EPHA1: variants seen among roughly 807,000 people sequenced by gnomAD.
EPHA1 encodes EPH receptor A1.
In EPHA1, 92 loss-of-function variants were observed where a neutral mutation model predicts 110.1. That is an observed-to-expected ratio of 0.84 (90% confidence interval 0.71 to 0.99). The LOEUF is 0.99. Ranked by LOEUF, EPHA1 falls within the 50% of genes least tolerant of loss-of-function variation. The probability of loss-of-function intolerance (pLI) is 0.00; values close to 1 mark genes in which losing one functional copy is unlikely to be tolerated. For synonymous variants in EPHA1, 500 were observed against 516.1 expected (o/e 0.97, Z 0.42); for missense variants, 1,204 against 1,285.4 (o/e 0.94, Z 0.97).
In EPHA1 at chr7:143,398,652, C is replaced by G. The variant is rs762019218; in HGVS notation, c.1285G>C (p.Gly429Arg). 16 of 1,614,102 alleles carry G rather than the reference C, an allele frequency of 9.9e-6. No homozygotes were observed. Among genetic ancestry groups the G allele is most frequent in the Non-Finnish European group, 1.3e-5 (15 of 1,179,978 alleles). ...GAGGTGCTGGCATGGCCAGAGCTGC[C>G]CAGCCCTGACACTCCATTTTGGGCT... is the stretch of plus-strand genomic sequence containing the variant. ...VEAQNGVSGL[G>R]SSGHASTSVS... is the part of the protein sequence containing the mutation. Residue 429 changes from glycine to arginine, a missense_variant, in exon 6 of 18, where the codon GGC (glycine) becomes CGC (arginine). Physicochemically the swap from Gly to Arg is moderately radical, Grantham distance 125 (BLOSUM62 -2). Transcript: ENST00000275815.
chr7:143,396,615 G>A, intron 10 of EPHA1, 105 bp from the exon 11 acceptor site: 1 of 1,392,614 alleles, frequency 7.2e-7, no homozygotes, highest in Non-Finnish European at 9.8e-7. Flanking sequence ...ACACCTCCCT[G>A]TTTCCCAAGG....
In EPHA1 at chr7:143,396,391, C is replaced by T; in HGVS notation, c.1891G>A (p.Gly631Arg). Residue 631 changes from glycine to arginine, a missense_variant, in exon 11 of 18, where the codon GGA becomes AGA. Transcript: ENST00000275815. ...GGTGCACAGCAGGACTCACCTTCTC[C>T]TATGACAGTGTCCACCATCAGCCAC... ...PAWLMVDTVI[G>R]EGEFGEVYRG... 6.2e-7 allele frequency: 1 copy of T among 1,612,202 alleles called. No homozygotes were observed. Among genetic ancestry groups the T allele is most frequent in the Non-Finnish European group, 8.5e-7 (1 of 1,179,546 alleles).
In EPHA1 at chr7:143,394,823, G is replaced by A. The variant is rs1400919381; in HGVS notation, c.2337C>T (p.Gly779=). ...GLTRLLDDFD[G]TYETQGGKIP... is the part of the protein sequence containing the mutation. ...GGCCTCTAACCTGGGTTTCGTATGT[G>A]CCATCAAAGTCATCCAGGAGGCGAG... Residue 779 remains glycine (G), a synonymous_variant, in exon 14 of 18, where the codon GGC becomes GGT. Coordinates refer to ENST00000275815, the MANE Select transcript of EPHA1 (RefSeq NM_005232.5). 1.9e-6 allele frequency: 3 copies of A among 1,613,996 alleles called. No homozygotes were observed. The highest frequency in any genetic ancestry group is 2.5e-6 in the Non-Finnish European group (3 of 1,180,038).
Position 143,394,963 on chromosome 7 carries a change from T to A in EPHA1, c.2197A>T (p.Ile733Leu). ...CTGAGGTAGTTCATGCCAGATGCTA[T>A]GCCCTGCAGCATGGCCACTAGCTGC... The part of the protein sequence containing the change: ...PGQLVAMLQG[I>L]ASGMNYLSNH... Residue 733 changes from isoleucine (I) to leucine (L), a missense_variant, in exon 14 of 18, where the codon ATA becomes TTA. Transcript: ENST00000275815. 1 of 1,614,140 alleles carries A rather than the reference T, an allele frequency of 6.2e-7. No homozygotes were observed. Among genetic ancestry groups the A allele is most frequent in the Non-Finnish European group, 8.5e-7 (1 of 1,180,030 alleles).
rs574693553 is a variant in EPHA1, at chr7:143,395,822, G to A, written c.1898-318C>T. 2.0e-5 allele frequency among the ~76,000 whole-genome samples: 3 copies of A among 152,358 alleles called. No homozygotes were observed. Among genetic ancestry groups the A allele is most frequent in the East Asian group, 1.9e-4 (1 of 5,182 alleles). ...GTGCTCATGAAGAGCAAGCTAGTGC[G>A]GCACTAGTACCCAAGTGGCAGGGAC... On this transcript the variant is annotated intron_variant, in intron 11 of 17. Coordinates refer to ENST00000275815, the MANE Select transcript of EPHA1 (RefSeq NM_005232.5). This position sits in a 1 kb window ranked among gnomAD's most constrained non-coding sequence, Gnocchi z 4.7.
chr7:143,407,295 A>G (rs767973335), intron 2 of EPHA1, among the ~76,000 whole-genome samples: 5 of 152,046 alleles, frequency 3.3e-5, no homozygotes, highest in African/African-American at 4.8e-5. Context: ...TCAGCCTTCA[A>G]CCATCCCCAG....
chr7:143,408,088 G>A (rs1297734051), intron 1 of EPHA1, among the ~76,000 whole-genome samples: 2 of 152,186 alleles, frequency 1.3e-5, no homozygotes, highest in East Asian at 3.9e-4. Context: ...ACCTCAGAAG[G>A]GGTTTCCTGG....
rs1003754616 is a variant in EPHA1, at chr7:143,398,380, C to T, written c.1405G>A (p.Gly469Arg). Reference sequence around the variant, plus strand: ...GCCCCAGGGCTTCGGGGCCGGGACCCCGCCCAGGTCAGCTCTAGTTGCCTC... The same window carrying T: ...GCCCCAGGGCTTCGGGGCCGGGACCTCGCCCAGGTCAGCTCTAGTTGCCTC... ...EPRQLELTWA[G>R]SRPRSPGANL... is the part of the protein sequence containing the mutation. Residue 469 changes from glycine (G) to arginine (R), a missense_variant, in exon 7 of 18, where the codon GGG (glycine) becomes AGG (arginine). Transcript: ENST00000275815. 1 of 1,614,122 alleles carries T rather than the reference C, an allele frequency of 6.2e-7. No individual in the cohort carries two copies. The highest frequency in any genetic ancestry group is 1.7e-5 in the Admixed American group (1 of 60,020).
chr7:143,391,266 T>C lies in EPHA1; in HGVS notation c.*191A>G. On this transcript the variant is annotated 3_prime_UTR_variant, in exon 18 of 18. Transcript: ENST00000275815. ...CCTCCCATGATCATCCTTTTACTTCTACCCCCACCTCCCTTTTAAAACAAA... is the reference window on the plus strand; with the variant it reads ...CCTCCCATGATCATCCTTTTACTTCCACCCCCACCTCCCTTTTAAAACAAA... 1 of 637,356 alleles carries C rather than the reference T, an allele frequency of 1.6e-6. No homozygotes were observed. The highest frequency in any genetic ancestry group is 2.7e-6 in the Non-Finnish European group (1 of 366,592). 39.5% of individuals were successfully genotyped at this position (637,356 alleles called of 1,614,324 possible).
At chr7:143,405,312 G>A (rs1805518463) in intron 2 of EPHA1, among the ~76,000 whole-genome samples, 1 of 152,236 alleles carries the variant, frequency 6.6e-6, no homozygotes, top group Admixed American at 6.5e-5. Flanking sequence ...AGTTCCAGCA[G>A]TGACAGATGG....
In EPHA1 at chr7:143,405,041, T is replaced by C. The variant is rs2116637751; in HGVS notation, c.150+2570A>G. ...GGTGGGGCAGAAATAGAAGCTGCTA[T>C]GAGGCACATATTTCTGCATTATGTT... On this transcript the variant is annotated intron_variant, in intron 2 of 17. Coordinates refer to ENST00000275815, the MANE Select transcript of EPHA1 (RefSeq NM_005232.5). 1.3e-5 allele frequency among the ~76,000 whole-genome samples: 2 copies of C among 151,690 alleles called. 1 individual carries two copies. The highest frequency in any genetic ancestry group is 4.2e-4 in the South Asian group (2 of 4,802).
At chr7:143,396,331 C>A in intron 11 of EPHA1, 54 bp downstream of exon 11, 2 of 1,586,652 alleles carry the variant, frequency 1.3e-6, no homozygotes, top group South Asian at 1.1e-5. Flanking sequence ...CTGCTGGTGG[C>A]TCTGTGCTGC....
chr7:143,401,850 A>T lies in EPHA1; in HGVS notation c.151-245T>A, dbSNP rs1805429655. 6.6e-6 allele frequency among the ~76,000 whole-genome samples: 1 copy of T among 152,210 alleles called. No homozygotes were observed. The highest frequency in any genetic ancestry group is 1.5e-5 in the Non-Finnish European group (1 of 68,036). ...CTAGTTGATCCTGGTCCCTTCAGTTAGTCTAGTCCACTTATTTCATCAGCA... is the reference window on the plus strand; with the variant it reads ...CTAGTTGATCCTGGTCCCTTCAGTTTGTCTAGTCCACTTATTTCATCAGCA... On this transcript the variant is annotated intron_variant, in intron 2 of 17. Coordinates refer to ENST00000275815, the MANE Select transcript of EPHA1 (RefSeq NM_005232.5). This position sits in a 1 kb window ranked among gnomAD's most constrained non-coding sequence, Gnocchi z 4.1.
In EPHA1 at chr7:143,399,697, G is replaced by C. The variant is rs1270306538; in HGVS notation, c.789C>G (p.His263Gln). ...CACCTTCCTCATAGCCAGGCTCACAGTGGCACCGTCCTACAGGCACCAGCC... is the reference window on the plus strand; with the variant it reads ...CACCTTCCTCATAGCCAGGCTCACACTGGCACCGTCCTACAGGCACCAGCC... ...GEWLVPVGRC[H>Q]CEPGYEEGGS... is the part of the protein sequence containing the mutation. Residue 263 changes from histidine (H) to glutamine (Q), a missense_variant, in exon 4 of 18, where the codon CAC becomes CAG. His to Gln is a conservative substitution (Grantham distance 24). Coordinates refer to ENST00000275815, the MANE Select transcript of EPHA1 (RefSeq NM_005232.5). 1 of 1,613,784 alleles carries C rather than the reference G, an allele frequency of 6.2e-7. No individual in the cohort carries two copies. The highest frequency in any genetic ancestry group is 1.1e-5 in the South Asian group (1 of 91,066).
At chr7:143,394,749 T>C in intron 14 of EPHA1, 59 bp downstream of exon 14, 1 of 1,592,640 alleles carries the variant, frequency 6.3e-7, no homozygotes, top group Non-Finnish European at 8.6e-7. Context: ...CATGTGACTG[T>C]ATGAATGGCA....
At chr7:143,392,989 C>G (rs1017143517) in intron 16 of EPHA1, among the ~76,000 whole-genome samples, 1 of 152,124 alleles carries the variant, frequency 6.6e-6, no homozygotes, top group Non-Finnish European at 1.5e-5. Context: ...AAAATCCAAA[C>G]TTCTCAACAG....
chr7:143,405,346 A>G (rs1221094401), intron 2 of EPHA1, among the ~76,000 whole-genome samples: 3 of 152,198 alleles, frequency 2.0e-5, no homozygotes, highest in Admixed American at 6.5e-5. Context: ...GTCCAGGATC[A>G]GCAGTAAGGA....
chr7:143,399,062 T>A, intron 5 of EPHA1, 117 bp from the exon 6 acceptor site: 1 of 1,242,076 alleles, frequency 8.1e-7, no homozygotes, highest in Non-Finnish European at 1.1e-6. Context: ...TTGGGGAGAT[T>A]TGATTTCTAC....
Position 143,394,304 on chromosome 7 carries a change from T to C in EPHA1, c.2392A>G (p.Ile798Val), listed in dbSNP as rs767987164. Residue 798 changes from isoleucine to valine, a missense_variant, in exon 15 of 18, where the codon ATT becomes GTT. Physicochemically the swap from Ile to Val is conservative, Grantham distance 29. Coordinates refer to ENST00000275815, the MANE Select transcript of EPHA1 (RefSeq NM_005232.5). The part of the protein sequence containing the change: ...IPIRWTAPEA[I>V]AHRIFTTASD... ...GCTGTGGTGAAGATCCGATGGGCAA[T>C]GGCTTCAGGGGCTGTCCAACGGATA... is the stretch of plus-strand genomic sequence containing the variant. The C allele has an allele frequency of 6.2e-7, 1 of 1,614,112 alleles. No homozygotes were observed. The highest frequency in any genetic ancestry group is 1.1e-5 in the South Asian group (1 of 91,088).
Sources: allele counts gnomAD v4.1 joint callset (sites outside exome capture counted in the v4.1 genomes callset), GRCh38; gene constraint gnomAD v4.1.1; non-coding constraint Gnocchi (gnomAD v3.1); transcripts MANE v1.5; gene names NCBI Gene and HGNC (gene_info 2026-07-23, HGNC 2026-07-21).